The following PDE3B variants were observed in gnomAD, a reference collection of about 807,000 sequenced individuals.
The protein encoded by PDE3B is phosphodiesterase 3B, also known as cGMP-inhibited 3',5'-cyclic phosphodiesterase 3B.
PDE3B carries 66 observed loss-of-function variants against 116.8 expected under a neutral mutation model. That is an observed-to-expected ratio of 0.56 (90% CI 0.46 to 0.69). The LOEUF (loss-of-function observed/expected upper bound fraction) is 0.69. PDE3B is among the 30% of genes least tolerant of loss of function. The probability of loss-of-function intolerance (pLI) is 0.00; values close to 1 mark genes in which losing one functional copy is unlikely to be tolerated. For missense variants in PDE3B, 1,384 were observed against 1,368.1 expected (o/e 1.01, Z -0.18); for synonymous variants, 595 against 533.6 (o/e 1.12, Z -1.59).
At chr11:14,704,557 G>A (rs1855472992) in intron 1 of PDE3B, among the ~76,000 whole-genome samples, 1 of 151,646 alleles carries the variant, frequency 6.6e-6, no homozygotes, top group Admixed American at 6.6e-5. Flanking sequence ...AAGACAATGT[G>A]GTATTAGTGA....
At chr11:14,832,576 A>T in intron 9 of PDE3B, 146 bp from the exon 10 acceptor site, 1 of 395,238 alleles carries the variant, frequency 2.5e-6, no homozygotes. Context: ...TGAAAGAATT[A>T]ATTGTAGGCA....
At chr11:14,845,192 G>C (rs1847570793) in intron 12 of PDE3B, among the ~76,000 whole-genome samples, 1 of 151,982 alleles carries the variant, frequency 6.6e-6, no homozygotes, top group African/African-American at 2.4e-5. Flanking sequence ...AAAATCTGCT[G>C]TTCTGCAGCC....
At position 14,769,415 on chromosome 11, in the gene PDE3B, G is replaced by A. The variant is rs145068993; in HGVS notation, c.979-2522G>A. Among the ~76,000 whole-genome samples the A allele has an allele frequency of 5.3e-3, 805 of 151,104 alleles. 8 individuals carry two copies. The highest frequency in any genetic ancestry group is 0.018 in the African/African-American group (764 of 41,394). ...CCTTTAAGAGTCCAGTTAAAATAGG[G>A]CATACATTCCTTCTCATATTAGCAG... On this transcript the variant is annotated intron_variant, in intron 1 of 15. Transcript: ENST00000282096.
chr11:14,860,555 A>G (rs1555006971), intron 13 of PDE3B, among the ~76,000 whole-genome samples: 1 of 152,138 alleles, frequency 6.6e-6, no homozygotes, highest in Non-Finnish European at 1.5e-5. Flanking sequence ...TTCCGTGAAC[A>G]AGGCATTTTT....
Position 14,644,680 on chromosome 11 carries a change from G to C in PDE3B, c.605G>C (p.Ser202Thr), listed in dbSNP as rs1368607153. Residue 202 changes from serine to threonine, a missense_variant, in exon 1 of 16, where the codon AGC becomes ACC. Transcript: ENST00000282096. ...AAAGRLLLVL[S>T]CVGLLLTLAH... ...GCGGGCAGGTTGCTGCTGGTGCTGA[G>C]CTGCGTAGGGCTGCTGCTGACGCTC... is the stretch of plus-strand genomic sequence containing the variant. 1 of 1,501,878 alleles carries C rather than the reference G, an allele frequency of 6.7e-7. No individual in the cohort carries two copies. Among genetic ancestry groups the C allele is most frequent in the African/African-American group, 1.4e-5 (1 of 72,038 alleles). 93.0% of individuals were successfully genotyped at this position (1,501,878 alleles called of 1,614,324 possible). A position where few individuals can be genotyped will look rare whatever the true frequency, so the allele number is the denominator to read the frequency against.
At chr11:14,728,928 T>A (rs983315627) in intron 1 of PDE3B, among the ~76,000 whole-genome samples, 1 of 152,116 alleles carries the variant, frequency 6.6e-6, no homozygotes. Context: ...ATGTAGTCAT[T>A]TGTATTATTT....
chr11:14,851,364 CT>C (rs895834253), intron 12 of PDE3B, among the ~76,000 whole-genome samples: 1 of 151,796 alleles, frequency 6.6e-6, no homozygotes, highest in Non-Finnish European at 1.5e-5. Context: ...TTCTGTTTTT[CT>C]TTTTTTTCTT....
chr11:14,767,812 A>C (rs1857536937), intron 1 of PDE3B, among the ~76,000 whole-genome samples: 1 of 151,460 alleles, frequency 6.6e-6, no homozygotes, highest in African/African-American at 2.4e-5. Context: ...ACAACTAGTG[A>C]TTGACAGATC....
chr11:14,785,262 T>C (rs1391496392), intron 2 of PDE3B, among the ~76,000 whole-genome samples: 1 of 152,122 alleles, frequency 6.6e-6, no homozygotes, highest in Non-Finnish European at 1.5e-5. Flanking sequence ...GTAACATATA[T>C]AGACAGGTGT....
chr11:14,722,017 A>C (rs1161024386), intron 1 of PDE3B, among the ~76,000 whole-genome samples: 1 of 151,992 alleles, frequency 6.6e-6, no homozygotes, highest in East Asian at 1.9e-4. Context: ...TTGTAGGGAC[A>C]TGGATGAAGC....
At chr11:14,781,479 A>G (rs139100535) in intron 2 of PDE3B, among the ~76,000 whole-genome samples, 1,760 of 152,352 alleles carry the variant, frequency 0.012, 34 homozygotes, top group African/African-American at 0.04. Context: ...AGTGCGCTTC[A>G]TCCCTGGGAT....
Position 14,726,520 on chromosome 11 carries a change from A to G in PDE3B, c.979-45417A>G, listed in dbSNP as rs937399321. On this transcript the variant is annotated intron_variant, in intron 1 of 15. Coordinates refer to ENST00000282096, the MANE Select transcript of PDE3B (RefSeq NM_000922.4). The stretch of plus-strand genomic sequence containing the variant: ...ATGGTCATTTACACTGTAGGACTGG[A>G]TGAAATTATCAAGAGATAGTATGGA... Among the ~76,000 whole-genome samples, 4 of 152,186 alleles carry G rather than the reference A, an allele frequency of 2.6e-5. No homozygotes were observed. In the South Asian group the frequency reaches 8.3e-4, roughly 31 times the overall value.
At chr11:14,715,449 G>A (rs1767009044) in intron 1 of PDE3B, among the ~76,000 whole-genome samples, 1 of 152,258 alleles carries the variant, frequency 6.6e-6, no homozygotes, top group Non-Finnish European at 1.5e-5. Flanking sequence ...GCAGTGGTTT[G>A]TAGTTCTCCT....
intron 1 of PDE3B, among the ~76,000 whole-genome samples, chr11:14,647,075 A>G (rs956037207): frequency 3.9e-5 from 6 of 152,036 alleles, no homozygotes; most frequent in African/African-American, 1.4e-4. Context: ...TTGTTCCAGA[A>G]GTCTAACAGT....
Position 14,786,615 on chromosome 11 carries a change from C to T in PDE3B, c.1208C>T (p.Pro403Leu), listed in dbSNP as rs867841743. ...SCRPKINPLT[P>L]FPGFYPCSEI... is the part of the protein sequence containing the mutation. ...AGGCCAAAGATTAATCCTCTCACAC[C>T]ATTTCCTGGATTTTACCCCTGTTCT... is the stretch of plus-strand genomic sequence containing the variant. The change falls in exon 3 of 16, where the codon CCA becomes CTA. Residue 403 changes from proline (P) to leucine (L), a missense_variant. Around this residue, in one of 2 missense-constraint regions of PDE3B, gnomAD observed 956 missense variants for 806.8 expected, o/e 1.18. Transcript: ENST00000282096. The T allele has an allele frequency of 1.2e-5, 19 of 1,612,268 alleles. No individual in the cohort carries two copies. In the African/African-American group the frequency reaches 1.5e-4, roughly 12 times the overall value.
chr11:14,657,025 T>C (rs958106703), intron 1 of PDE3B, among the ~76,000 whole-genome samples: 1 of 152,176 alleles, frequency 6.6e-6, no homozygotes, highest in Non-Finnish European at 1.5e-5. Flanking sequence ...TAAAAAGTGA[T>C]TAAAAGGGGG....
At chr11:14,818,480 C>G (rs1457131289) in intron 6 of PDE3B, 87 bp downstream of exon 6, 2 of 823,426 alleles carry the variant, frequency 2.4e-6, no homozygotes, top group Non-Finnish European at 4.0e-6. Flanking sequence ...CTTGGAAACT[C>G]CAGCTTTAAG....
At chr11:14,661,505 A>G (rs936861797) in intron 1 of PDE3B, among the ~76,000 whole-genome samples, 1 of 152,224 alleles carries the variant, frequency 6.6e-6, no homozygotes, top group African/African-American at 2.4e-5. Context: ...AGGGTGAGGC[A>G]TTGCCTCACT....
At chr11:14,659,815 CT>C (rs1357692582) in intron 1 of PDE3B, among the ~76,000 whole-genome samples, 3 of 152,156 alleles carry the variant, frequency 2.0e-5, no homozygotes, top group Admixed American at 2.0e-4. Context: ...ATGTTTACCC[CT>C]ATTTCTGCTT....
Sources: allele counts gnomAD v4.1 joint callset (sites outside exome capture counted in the v4.1 genomes callset), GRCh38; gene constraint gnomAD v4.1.1; regional missense constraint gnomAD v4.1.1; transcripts MANE v1.5; gene names NCBI Gene and HGNC (gene_info 2026-07-23, HGNC 2026-07-21).